Variants in CENPQ observed in about 807,000 individuals in gnomAD.
CENPQ encodes chromosome 6 open reading frame 139.
In CENPQ, 27 loss-of-function variants were observed where a neutral mutation model predicts 36.6. That is an observed-to-expected ratio of 0.74 (90% confidence interval 0.54 to 1.02). The LOEUF is 1.02. Among genes scored for constraint, CENPQ ranks in the 50% least tolerant of loss-of-function variants. The pLI is 0.00. For missense variants in CENPQ, 306 were observed against 301.8 expected, an observed-to-expected ratio of 1.01 and a Z score of -0.10; for synonymous variants, 101 against 101.7, an observed-to-expected ratio of 0.99 and a Z score of 0.04.
chr6:49,482,538 G>A (rs546063815), intron 6 of CENPQ, among the ~76,000 whole-genome samples: 1 of 152,312 alleles, frequency 6.6e-6, no homozygotes, highest in South Asian at 2.1e-4. Flanking sequence ...GTGCCAGTGG[G>A]TCGGTCCAGG....
chr6:49,472,487 A>T (rs1355520543), intron 4 of CENPQ, among the ~76,000 whole-genome samples: 1 of 152,176 alleles, frequency 6.6e-6, no homozygotes, highest in Non-Finnish European at 1.5e-5. Context: ...GACACTTTAC[A>T]TAGAAGCTAC....
chr6:49,475,159 G>A (rs908301501), intron 5 of CENPQ, among the ~76,000 whole-genome samples: 3 of 152,024 alleles, frequency 2.0e-5, no homozygotes, highest in African/African-American at 7.2e-5. Flanking sequence ...TATCCCTGAT[G>A]AACATTGATG....
chr6:49,483,279 A>T (rs1768489594), intron 6 of CENPQ, among the ~76,000 whole-genome samples: 1 of 152,086 alleles, frequency 6.6e-6, no homozygotes, highest in Admixed American at 6.5e-5. Context: ...CAGAGTGCAG[A>T]TTGGTGTATT....
chr6:49,475,263 A>G (rs1581847737), intron 5 of CENPQ, among the ~76,000 whole-genome samples: 1 of 152,192 alleles, frequency 6.6e-6, no homozygotes, highest in East Asian at 1.9e-4. Context: ...CCTGGGATGC[A>G]AGTCTGGTTC....
At chr6:49,474,656 A>G (rs1049730562) in intron 5 of CENPQ, among the ~76,000 whole-genome samples, 10 of 152,210 alleles carry the variant, frequency 6.6e-5, no homozygotes, top group African/African-American at 2.4e-4. Context: ...GAAATAACTA[A>G]GATCAGAGCA....
chr6:49,469,615 A>T (rs1241548496), intron 1 of CENPQ, among the ~76,000 whole-genome samples: 1 of 152,186 alleles, frequency 6.6e-6, no homozygotes. Flanking sequence ...CCCAGATAGG[A>T]TTGCAGTTTA....
At chr6:49,472,276 G>A in intron 4 of CENPQ, 93 bp downstream of exon 4, 1 of 998,680 alleles carries the variant, frequency 1.0e-6, no homozygotes, top group Non-Finnish European at 1.4e-6. Flanking sequence ...TCTATTTTAA[G>A]GTAATAGAGT....
rs1768079127 is a variant in CENPQ, at chr6:49,469,584, C to T, written c.-18-575C>T. Among the ~76,000 whole-genome samples the T allele has an allele frequency of 2.0e-5, 3 of 152,232 alleles. No homozygotes were observed. In the South Asian group the frequency reaches 6.2e-4, roughly 32 times the overall value. On this transcript the variant is annotated intron_variant, in intron 1 of 8. Coordinates refer to ENST00000335783, the MANE Select transcript of CENPQ (RefSeq NM_018132.4). Reference sequence around the variant, plus strand: ...GCAGGGTATTCAGTACATTTCTGTACTCTTGTTAAAATGCACATAGCCCAG... The same window carrying T: ...GCAGGGTATTCAGTACATTTCTGTATTCTTGTTAAAATGCACATAGCCCAG...
intron 5 of CENPQ, among the ~76,000 whole-genome samples, chr6:49,474,194 C>A (rs1354200501): frequency 6.6e-6 from 1 of 152,212 alleles, no homozygotes; most frequent in Admixed American, 6.5e-5. Context: ...GAACTCTCCA[C>A]CCCAATCAAC....
chr6:49,476,209 C>A (rs1422709319), intron 5 of CENPQ, among the ~76,000 whole-genome samples: 1 of 152,170 alleles, frequency 6.6e-6, no homozygotes, highest in Non-Finnish European at 1.5e-5. Context: ...CACCATGGTA[C>A]TGGTACCAAA....
At chr6:49,485,923 T>A (rs2501962) in intron 6 of CENPQ, among the ~76,000 whole-genome samples, 95,661 of 152,072 alleles carry the variant, frequency 0.63, 30,363 homozygotes, top group East Asian at 0.78. Flanking sequence ...TATTTAACCC[T>A]TTTGTTCATT....
intron 5 of CENPQ, among the ~76,000 whole-genome samples, chr6:49,478,932 C>T (rs1300236492): frequency 6.6e-6 from 1 of 152,156 alleles, no homozygotes; most frequent in Non-Finnish European, 1.5e-5. Context: ...TAGTGAGACT[C>T]TTGGAAATCT....
intron 8 of CENPQ, among the ~76,000 whole-genome samples, chr6:49,490,619 C>T (rs551795866): frequency 3.3e-5 from 5 of 152,310 alleles, no homozygotes; most frequent in African/African-American, 9.6e-5. Flanking sequence ...TTTTGGTTTG[C>T]GTGGCTTTTG....
intron 6 of CENPQ, among the ~76,000 whole-genome samples, chr6:49,483,444 G>A (rs1768497806): frequency 6.6e-6 from 1 of 152,172 alleles, no homozygotes; most frequent in Non-Finnish European, 1.5e-5. Context: ...TTGGGTGGTC[G>A]ATGGGACTGG....
At chr6:49,481,426 T>C (rs1768425849) in intron 6 of CENPQ, among the ~76,000 whole-genome samples, 1 of 152,118 alleles carries the variant, frequency 6.6e-6, no homozygotes, top group African/African-American at 2.4e-5. Flanking sequence ...CCGGTGGGTT[T>C]CTGGTCTCAC....
chr6:49,482,335 C>A (rs555143799), intron 6 of CENPQ, among the ~76,000 whole-genome samples: 1 of 152,182 alleles, frequency 6.6e-6, no homozygotes, highest in African/African-American at 2.4e-5. Flanking sequence ...GCAGAGGAGG[C>A]GCCGAGAGTG....
rs1256850734 is a variant in CENPQ, at chr6:49,470,160, A to G, written c.-17A>G. 18 of 1,400,268 alleles carry G rather than the reference A, an allele frequency of 1.3e-5. No individual in the cohort carries two copies. Among genetic ancestry groups the G allele is most frequent in the Non-Finnish European group, 1.7e-5 (17 of 1,007,738 alleles). The allele number at this position is 1,400,268 out of a possible 1,614,324, so 86.7% of individuals were successfully genotyped here. A position where few individuals can be genotyped will look rare whatever the true frequency, so the allele number is the denominator to read the frequency against. On this transcript the variant is annotated splice_region_variant and 5_prime_UTR_variant, in exon 2 of 9. Coordinates refer to ENST00000335783, the MANE Select transcript of CENPQ (RefSeq NM_018132.4). ...TACAGATTTTTTTTTTTTTCGAAGC[A>G]CTGTGTTTAGATCAAGATGTCTGGT...
Position 49,486,881 on chromosome 6 carries a change from T to A in CENPQ, c.478-1471T>A, listed in dbSNP as rs544892964. Among the ~76,000 whole-genome samples, 115 of 151,978 alleles carry A rather than the reference T, an allele frequency of 7.6e-4. 1 individual carries two copies. The highest frequency in any genetic ancestry group is 2.7e-3 in the African/African-American group (113 of 41,482). ...ATGGCCATGGGCCAGGCGTGGTGGC[T>A]CACGCCTGTAATCCCAGCACTTTTG... On this transcript the variant is annotated intron_variant, in intron 6 of 8. Transcript: ENST00000335783.
chr6:49,477,336 C>T lies in CENPQ; in HGVS notation c.348-3615C>T, dbSNP rs535333651. 7.6e-4 allele frequency among the ~76,000 whole-genome samples: 114 copies of T among 149,096 alleles called. No individual in the cohort carries two copies. The Middle Eastern group carries it at 0.021, about 27-fold the overall frequency. Reference sequence around the variant, plus strand: ...ATCACAAGGATGAAAAACCAAACACCGCATATTCTCACTCATAGGTGTGAA... The same window carrying T: ...ATCACAAGGATGAAAAACCAAACACTGCATATTCTCACTCATAGGTGTGAA... On this transcript the variant is annotated intron_variant, in intron 5 of 8. Transcript: ENST00000335783.
Sources: gnomAD v4.1 joint callset for allele counts (sites outside exome capture counted in the v4.1 genomes callset) on GRCh38, gnomAD v4.1.1 for gene constraint, MANE v1.5 for transcripts, NCBI Gene and HGNC (gene_info 2026-07-23, HGNC 2026-07-21) for gene names.